The following ACSL5 variants were observed in gnomAD, a reference collection of about 807,000 sequenced individuals.
ACSL5 encodes the protein long-chain-fatty-acid--CoA ligase 5.
A neutral mutation model predicts 84.9 loss-of-function variants in ACSL5; 50 were observed. The ratio of observed to expected loss-of-function variants is 0.59; its 90% CI spans 0.47 to 0.75. The LOEUF (loss-of-function observed/expected upper bound fraction) is 0.75. ACSL5 is among the 30% of genes least tolerant of loss of function. The pLI is 0.00. For synonymous variants in ACSL5, 280 were observed against 300.7 expected (o/e 0.93, Z 0.71); for missense variants, 775 against 830.4 (o/e 0.93, Z 0.82).
chr10:112,422,760 G>T (rs1187691179), intron 17 of ACSL5, among the ~76,000 whole-genome samples: 1 of 151,514 alleles, frequency 6.6e-6, no homozygotes, highest in South Asian at 2.1e-4. Context: ...GGAGGCTGAG[G>T]CAGGAGAATC....
chr10:112,390,491 A>G (rs571325659), intron 1 of ACSL5, among the ~76,000 whole-genome samples: 4 of 152,224 alleles, frequency 2.6e-5, no homozygotes, highest in African/African-American at 9.6e-5. Flanking sequence ...CAAAAAGTTA[A>G]ATATAAAATT....
chr10:112,401,398 G>A (rs2900945), intron 3 of ACSL5, among the ~76,000 whole-genome samples: 70,509 of 152,022 alleles, frequency 0.46, 16,993 homozygotes, highest in South Asian at 0.58. Flanking sequence ...AAATCCTCAG[G>A]AAGCTTTGTA....
chr10:112,384,751 A>G (rs994164476), intron 1 of ACSL5, among the ~76,000 whole-genome samples: 1 of 152,162 alleles, frequency 6.6e-6, no homozygotes, highest in Admixed American at 6.5e-5. Context: ...TCCTGGGCTC[A>G]AGCAATATAT....
At chr10:112,410,022 C>T (rs1352845063) in intron 7 of ACSL5, 2 of 296,540 alleles carry the variant, frequency 6.7e-6, no homozygotes, top group African/African-American at 4.5e-5. Context: ...TGGGCAATCT[C>T]ATCTCCCTTC....
intron 9 of ACSL5, 99 bp from the exon 10 acceptor site, chr10:112,411,357 C>T: frequency 1.0e-6 from 1 of 996,400 alleles, no homozygotes; most frequent in African/African-American, 1.6e-5. Context: ...TGCTCTTGGC[C>T]TTCTGGAATA....
intron 1 of ACSL5, among the ~76,000 whole-genome samples, chr10:112,379,831 T>G (rs946712989): frequency 1.3e-5 from 2 of 152,232 alleles, no homozygotes; most frequent in Admixed American, 1.3e-4. Context: ...GAAAGCTTGT[T>G]GCCTGCACTT....
intron 16 of ACSL5, 92 bp from the exon 17 acceptor site, chr10:112,422,233 A>G (rs973134665): frequency 3.4e-6 from 4 of 1,184,968 alleles, no homozygotes; most frequent in Middle Eastern, 5.4e-4. Context: ...GAAGCCATCA[A>G]ATGATTTAAG....
At position 112,426,236 on chromosome 10, in the gene ACSL5, A is replaced by ACCTTTTATT. The variant is rs1273011791; in HGVS notation, c.1738-21_1738-13dup. On this transcript the variant is annotated intron_variant, in intron 18 of 20. Transcript: ENST00000354655. ...TACATAACTTCTCTCATGCCCTTGC[A>ACCTTTTATT]CCTTTTATTTCCTTTCCATAGTCAT... is the stretch of plus-strand genomic sequence containing the variant. 7 of 1,597,934 alleles carry ACCTTTTATT rather than the reference A, an allele frequency of 4.4e-6. No individual in the cohort carries two copies. In the East Asian group the frequency reaches 1.6e-4, roughly 36 times the overall value.
chr10:112,391,499 A>AT (rs1273310438), intron 1 of ACSL5, among the ~76,000 whole-genome samples: 5 of 152,198 alleles, frequency 3.3e-5, no homozygotes, highest in Non-Finnish European at 7.3e-5. Context: ...TCCTTCCTTC[A>AT]TTGTCTTCCT....
chr10:112,418,220 G>A (rs1844362983), intron 14 of ACSL5, among the ~76,000 whole-genome samples: 1 of 152,152 alleles, frequency 6.6e-6, no homozygotes, highest in South Asian at 2.1e-4. Flanking sequence ...ACTGAATGTA[G>A]TTGACCCTTG....
At chr10:112,394,671 C>A in intron 1 of ACSL5, 1 of 887,508 alleles carries the variant, frequency 1.1e-6, no homozygotes, top group Non-Finnish European at 1.3e-6. Context: ...CTTTGATCCT[C>A]CCTGCTCTGT....
At chr10:112,397,859 G>A (rs1490500015) in intron 2 of ACSL5, among the ~76,000 whole-genome samples, 1 of 152,138 alleles carries the variant, frequency 6.6e-6, no homozygotes, top group Non-Finnish European at 1.5e-5. Context: ...CACATCTACA[G>A]TATGTACAGA....
At chr10:112,380,485 G>C (rs1176095523) in intron 1 of ACSL5, among the ~76,000 whole-genome samples, 1 of 79,280 alleles carries the variant, frequency 1.3e-5, no homozygotes, top group African/African-American at 5.2e-5. Context: ...TTTAACTAAA[G>C]ATGGACCCTC....
At chr10:112,416,402 T>C (rs1012455788) in intron 12 of ACSL5, among the ~76,000 whole-genome samples, 2 of 129,068 alleles carry the variant, frequency 1.5e-5, no homozygotes, top group African/African-American at 6.1e-5. Flanking sequence ...ACCTGGGAGG[T>C]GGAGCTTGCA....
chr10:112,426,570 G>A, intron 19 of ACSL5: 4 of 620,798 alleles, frequency 6.4e-6, no homozygotes, highest in Non-Finnish European at 5.6e-6. Flanking sequence ...GATTGGGAAA[G>A]AAGAGTAAAA....
At chr10:112,403,774 G>T (rs1843962928) in intron 3 of ACSL5, among the ~76,000 whole-genome samples, 1 of 152,108 alleles carries the variant, frequency 6.6e-6, no homozygotes, top group African/African-American at 2.4e-5. Flanking sequence ...CTAAGGAAAT[G>T]GTCTAAATTT....
At position 112,426,940 on chromosome 10, in the gene ACSL5, A is replaced by T. The variant is rs979910526; in HGVS notation, c.1911+81A>T. On this transcript the variant is annotated intron_variant, in intron 20 of 20. Coordinates refer to ENST00000354655, the MANE Select transcript of ACSL5 (RefSeq NM_203379.2). Reference sequence around the variant, plus strand: ...TTTCCATCTAATGAGGTTTAAATGTATAATTTCTAAGGAATTGATTTTAGA... The same window carrying T: ...TTTCCATCTAATGAGGTTTAAATGTTTAATTTCTAAGGAATTGATTTTAGA... 9.8e-6 allele frequency: 12 copies of T among 1,218,820 alleles called. No individual in the cohort carries two copies. In the African/African-American group the frequency reaches 1.8e-4, roughly 19 times the overall value. 75.5% of individuals were successfully genotyped at this position (1,218,820 alleles called of 1,614,324 possible). A position where few individuals can be genotyped will look rare whatever the true frequency, so the allele number is the denominator to read the frequency against.
chr10:112,425,267 C>A, intron 17 of ACSL5, 71 bp from the exon 18 acceptor site: 1 of 1,370,056 alleles, frequency 7.3e-7, no homozygotes, highest in East Asian at 2.5e-5. Flanking sequence ...ATGACTGTGA[C>A]TTCACCACTC....
intron 1 of ACSL5, among the ~76,000 whole-genome samples, chr10:112,389,531 C>T (rs1849516155): frequency 6.6e-6 from 1 of 152,072 alleles, no homozygotes. Flanking sequence ...ATGACAGAGC[C>T]CTCTTTCCTC....
Sources: gnomAD v4.1 joint callset for allele counts (sites outside exome capture counted in the v4.1 genomes callset) on GRCh38, gnomAD v4.1.1 for gene constraint, MANE v1.5 for transcripts, NCBI Gene and HGNC (gene_info 2026-07-23, HGNC 2026-07-21) for gene names.